Variants in LYZL2 observed in about 807,000 individuals in gnomAD.
The protein encoded by LYZL2 is lysozyme-like protein 2.
LYZL2 carries 13 observed loss-of-function variants against 17.1 expected under a neutral mutation model. The observed-to-expected ratio is 0.76, with a 90% CI of 0.49 to 1.21. The LOEUF is 1.21. Among genes scored for constraint, LYZL2 ranks in the 50% most tolerant of loss-of-function variants. The pLI is 0.00. For missense variants in LYZL2, 166 were observed against 189.2 expected (o/e 0.88, Z 0.72); for synonymous variants, 63 against 74.4 (o/e 0.85, Z 0.79).
At chr10:30,611,750 A>AAAGAAAGAAAAGAAAAGAAAGG (rs1564406111), downstream of LYZL2, 1 of 640,282 alleles carries the variant, frequency 1.6e-6, no homozygotes, top group East Asian at 3.5e-5. Flanking sequence ...AGAAAGAAAG[A>AAAGAAAGAAAAGAAAAGAAAGG]AAGGAAAGAA....
At chr10:30,607,925 G>C (rs149571968), downstream of LYZL2, among the ~76,000 whole-genome samples, 25 of 152,276 alleles carry the variant, frequency 1.6e-4, no homozygotes, top group East Asian at 3.7e-3. Context: ...AACATCGCCA[G>C]GAGGCTGAGT....
chr10:30,610,378 T>C (rs1044600356), downstream of LYZL2, among the ~76,000 whole-genome samples: 2 of 152,166 alleles, frequency 1.3e-5, no homozygotes, highest in Admixed American at 6.5e-5. Flanking sequence ...AAAGAATGAG[T>C]TCATGTCCTT....
At position 30,612,816 on chromosome 10, in the gene LYZL2, T is replaced by C. The variant is rs760592783; in HGVS notation, c.377+6A>G. On this transcript the variant is annotated splice_donor_region_variant and intron_variant, in intron 4 of 4. Coordinates refer to ENST00000647634, the MANE Select transcript of LYZL2 (RefSeq NM_183058.3). Reference sequence around the variant, plus strand: ...CAGCCCAAGTCTTCCAAGGAAAGACTCTTACCAATAGTTCATTCCTTGTGT... The same window carrying C: ...CAGCCCAAGTCTTCCAAGGAAAGACCCTTACCAATAGTTCATTCCTTGTGT... The C allele has an allele frequency of 6.2e-7, 1 of 1,608,284 alleles. No homozygotes were observed. Among genetic ancestry groups the C allele is most frequent in the Admixed American group, 1.7e-5 (1 of 59,994 alleles).
intron 3 of LYZL2, among the ~76,000 whole-genome samples, chr10:30,622,574 G>A (rs1381786454): frequency 6.9e-6 from 1 of 144,128 alleles, no homozygotes; most frequent in Non-Finnish European, 1.5e-5. Context: ...GAAAAAAAAA[G>A]AAAAAGAAAA....
intron 3 of LYZL2, among the ~76,000 whole-genome samples, chr10:30,619,594 G>A (rs961097791): frequency 1.5e-4 from 23 of 149,430 alleles, no homozygotes; most frequent in African/African-American, 4.2e-4. Context: ...ACCAAACACC[G>A]CATGTTCTCA....
intron 3 of LYZL2, among the ~76,000 whole-genome samples, chr10:30,617,715 A>G (rs1410654455): frequency 6.6e-6 from 1 of 151,116 alleles, no homozygotes; most frequent in Admixed American, 6.6e-5. Flanking sequence ...AAAAAGAAAA[A>G]AAAGAAAAGA....
At chr10:30,620,284 C>T (rs985650986) in intron 3 of LYZL2, among the ~76,000 whole-genome samples, 16 of 152,292 alleles carry the variant, frequency 1.1e-4, no homozygotes, top group Admixed American at 3.9e-4. Flanking sequence ...CCAAGAGGAT[C>T]GCCCAGAACA....
At chr10:30,612,091 A>G (rs369232247) in intron 4 of LYZL2, 67 bp from the exon 5 acceptor site, 2 of 1,586,198 alleles carry the variant, frequency 1.3e-6, no homozygotes, top group Non-Finnish European at 8.6e-7. Context: ...TCAGTTTCAA[A>G]GTCTACAGAA....
chr10:30,611,766 A>G, downstream of LYZL2: 3 of 830,974 alleles, frequency 3.6e-6, no homozygotes, highest in Non-Finnish European at 5.2e-6. Flanking sequence ...AAGAAAGAGA[A>G]AAGGGAACCG....
chr10:30,616,960 T>A (rs1252073212), intron 3 of LYZL2, among the ~76,000 whole-genome samples: 1 of 151,986 alleles, frequency 6.6e-6, no homozygotes, highest in East Asian at 1.9e-4. Context: ...AACTTAAGCA[T>A]TTGGTACCTG....
chr10:30,618,957 A>G (rs1420331408), intron 3 of LYZL2, among the ~76,000 whole-genome samples: 1 of 152,254 alleles, frequency 6.6e-6, no homozygotes, highest in Non-Finnish European at 1.5e-5. Flanking sequence ...CAGAATCTAC[A>G]AAGAACTCAA....
At chr10:30,607,745 C>T (rs449906), downstream of LYZL2, among the ~76,000 whole-genome samples, 74,356 of 151,982 alleles carry the variant, frequency 0.49, 18,988 homozygotes, top group Middle Eastern at 0.57. Context: ...CCTAAGCTCT[C>T]CCTGGCTGCG....
chr10:30,610,745 TA>T (rs1838421614), downstream of LYZL2, among the ~76,000 whole-genome samples: 1 of 152,126 alleles, frequency 6.6e-6, no homozygotes, highest in African/African-American at 2.4e-5. Context: ...AAGTCTTATT[TA>T]TTTATTTTTT....
At chr10:30,619,830 T>TA (rs1019318785) in intron 3 of LYZL2, among the ~76,000 whole-genome samples, 1 of 150,450 alleles carries the variant, frequency 6.6e-6, no homozygotes, top group African/African-American at 2.4e-5. Flanking sequence ...AGTACAATAA[T>TA]AAAAAAATTA....
chr10:30,629,504 C>T, intron 1 of LYZL2, 89 bp downstream of exon 1: 2 of 1,344,402 alleles, frequency 1.5e-6, no homozygotes, highest in Non-Finnish European at 2.1e-6. Flanking sequence ...GCAATGATAA[C>T]CCCAAGCATC....
chr10:30,612,632 G>A (rs1838462077), intron 4 of LYZL2, among the ~76,000 whole-genome samples, 190 bp downstream of exon 4: 1 of 152,106 alleles, frequency 6.6e-6, no homozygotes, highest in African/African-American at 2.4e-5. Flanking sequence ...CCATGTCTCT[G>A]CTCCCTTTCT....
the LYZL2 span, among the ~76,000 whole-genome samples, chr10:30,606,302 T>C: frequency 1.3e-5 from 2 of 151,912 alleles, no homozygotes; most frequent in Non-Finnish European, 2.9e-5. Context: ...AGAAATCACC[T>C]GGTACAAAAT....
chr10:30,627,893 C>T (rs1477198252), intron 1 of LYZL2, among the ~76,000 whole-genome samples: 1 of 152,216 alleles, frequency 6.6e-6, no homozygotes, highest in Non-Finnish European at 1.5e-5. Flanking sequence ...GGCGCGGTGG[C>T]TCACGCCTGT....
chr10:30,629,554 C>T, intron 1 of LYZL2, 39 bp downstream of exon 1: 3 of 1,606,318 alleles, frequency 1.9e-6, no homozygotes, highest in Non-Finnish European at 2.6e-6. Context: ...TGCTGGTTCT[C>T]AGGGACAGGT....
Sources: gnomAD v4.1 joint callset for allele counts (sites outside exome capture counted in the v4.1 genomes callset) on GRCh38, gnomAD v4.1.1 for gene constraint, MANE v1.5 for transcripts, NCBI Gene and HGNC (gene_info 2026-07-23, HGNC 2026-07-21) for gene names.